Variants in GART observed in about 807,000 individuals in gnomAD.
The protein encoded by GART is trifunctional purine biosynthetic protein adenosine-3.
GART carries 43 observed loss-of-function variants against 107.2 expected under a neutral mutation model. The observed-to-expected ratio is 0.40, with a 90% CI of 0.31 to 0.52. The LOEUF (loss-of-function observed/expected upper bound fraction) is 0.52. Ranked by LOEUF, GART falls within the 20% of genes least tolerant of loss-of-function variation. The pLI is 0.52. For synonymous variants in GART, 434 were observed against 427.0 expected (o/e 1.02, Z -0.20); for missense variants, 1,107 against 1,206.5 (o/e 0.92, Z 1.22).
At chr21:33,542,033 G>A (rs1250606453) in intron 1 of GART, 32 bp downstream of exon 1, 1 of 152,214 alleles carries the variant, frequency 6.6e-6, no homozygotes, top group Non-Finnish European at 1.5e-5. Context: ...GCCTAAGCGC[G>A]CTCCGTGTAA....
intron 8 of GART, 88 bp downstream of exon 8, chr21:33,528,756 TAAAAAA>T (rs57178645): frequency 3.7e-6 from 3 of 802,188 alleles, no homozygotes; most frequent in Non-Finnish European, 5.5e-6. Flanking sequence ...TAAAAAGTGG[TAAAAAA>T]AAAAAAAAAA....
At chr21:33,539,149 C>T in intron 2 of GART, 22 bp downstream of exon 2, 1 of 1,603,254 alleles carries the variant, frequency 6.2e-7, no homozygotes, top group Non-Finnish European at 8.5e-7. Context: ...AACTATTACT[C>T]CCCACTTTAA....
rs1390625837 is a variant in GART, at chr21:33,517,514, G to T, written c.1797C>A (p.Leu599=). Residue 599 remains leucine (L), a synonymous_variant, in exon 15 of 22, where the codon CTC becomes CTA. Coordinates refer to ENST00000381815, the MANE Select transcript of GART (RefSeq NM_000819.5). Reference sequence around the variant, plus strand: ...CCTCAGTGATTCTTTCCAGGTGAGGGAGTTTCTGATCTCGCTCCATGGCAC... The same window carrying T: ...CCTCAGTGATTCTTTCCAGGTGAGGTAGTTTCTGATCTCGCTCCATGGCAC... ...AVGAMERDQK[L]PHLERITEGD... 1.2e-6 allele frequency: 2 copies of T among 1,614,060 alleles called. No homozygotes were observed. Among genetic ancestry groups the T allele is most frequent in the Non-Finnish European group, 1.7e-6 (2 of 1,180,034 alleles).
intron 4 of GART, 32 bp downstream of exon 4, chr21:33,534,547 C>T (rs761039324): frequency 8.3e-5 from 134 of 1,612,146 alleles, no homozygotes; most frequent in Non-Finnish European, 1.1e-4. Flanking sequence ...CAAAACTAAA[C>T]AACTGTCCTT....
At chr21:33,525,934 A>G (rs1259359055) in intron 10 of GART, among the ~76,000 whole-genome samples, 1 of 148,946 alleles carries the variant, frequency 6.7e-6, no homozygotes, top group Non-Finnish European at 1.5e-5. Context: ...CAGTGGTGCA[A>G]TCTTGGCTCA....
intron 16 of GART, among the ~76,000 whole-genome samples, chr21:33,512,586 T>C (rs1001934857): frequency 6.6e-6 from 1 of 152,116 alleles, no homozygotes; most frequent in Non-Finnish European, 1.5e-5. Context: ...ATTTATTTAT[T>C]GGATAATTTT....
intron 7 of GART, among the ~76,000 whole-genome samples, chr21:33,529,224 G>A (rs1475110282): frequency 3.9e-5 from 6 of 152,050 alleles, no homozygotes; most frequent in Non-Finnish European, 5.9e-5. Flanking sequence ...CCTACCCTAA[G>A]GCTTCTTTGT....
At chr21:33,505,429 A>G in intron 20 of GART, 132 bp downstream of exon 20, 1 of 661,922 alleles carries the variant, frequency 1.5e-6, no homozygotes. Flanking sequence ...AAGTATTAAT[A>G]AAATATCACA....
chr21:33,504,839 G>GA (rs1179675020), intron 20 of GART, among the ~76,000 whole-genome samples: 1 of 152,136 alleles, frequency 6.6e-6, no homozygotes, highest in East Asian at 1.9e-4. Context: ...AAATAAGCAA[G>GA]AGGTTCTTAC....
intron 16 of GART, among the ~76,000 whole-genome samples, chr21:33,514,910 C>T (rs949886732): frequency 6.6e-6 from 1 of 152,202 alleles, no homozygotes; most frequent in African/African-American, 2.4e-5. Flanking sequence ...ACCTCTGACT[C>T]TTCAGTTCTC....
rs770881909 is a variant in GART at position 33,532,360 on chromosome 21, T to C, written c.513A>G (p.Val171=). 3 of 1,613,734 alleles carry C rather than the reference T, an allele frequency of 1.9e-6. No individual in the cohort carries two copies. Among genetic ancestry groups the C allele is most frequent in the Non-Finnish European group, 2.5e-6 (3 of 1,179,658 alleles). ...AKSKEEACKA[V]QEIMQEKAFG... The stretch of plus-strand genomic sequence containing the variant: ...CCCAGCCTACCTGCATGATCTCTTG[T>C]ACAGCTTTGCAGGCCTCTTCTTTGC... The change falls in exon 5 of 22, where the codon GTA becomes GTG. Residue 171 remains valine, a synonymous_variant. Transcript: ENST00000381815.
rs1224273373 is a variant in GART at position 33,528,017 on chromosome 21, T to C, written c.1066+150A>G. 2.8e-5 allele frequency: 18 copies of C among 636,054 alleles called. No homozygotes were observed. Among genetic ancestry groups the C allele is most frequent in the Non-Finnish European group, 5.0e-5 (18 of 362,428 alleles). The allele number at this position is 636,054 out of a possible 1,614,324, so 39.4% of individuals were successfully genotyped here. ...GTAATTGCGGATATTTGAACACACA[T>C]ATCCAATAAGCAACATGGTTAAGAC... On this transcript the variant is annotated intron_variant, in intron 10 of 21. Transcript: ENST00000381815.
At chr21:33,527,666 TAA>T (rs1165517699) in intron 10 of GART, among the ~76,000 whole-genome samples, 5 of 151,940 alleles carry the variant, frequency 3.3e-5, no homozygotes, top group African/African-American at 1.2e-4. Flanking sequence ...CTACTTTATA[TAA>T]AGAGAGAGAG....
At chr21:33,536,180 G>C (rs780560038) in intron 2 of GART, among the ~76,000 whole-genome samples, 1 of 152,120 alleles carries the variant, frequency 6.6e-6, no homozygotes, top group Non-Finnish European at 1.5e-5. Flanking sequence ...TGAATTGAGA[G>C]GCTATTTTGG....
At chr21:33,510,115 T>C (rs1015180175) in intron 17 of GART, 195 bp from the exon 18 acceptor site, 13 of 553,428 alleles carry the variant, frequency 2.3e-5, no homozygotes, top group African/African-American at 1.3e-4. Context: ...GGTGAACATA[T>C]GTAATTACTT....
intron 17 of GART, 47 bp from the exon 18 acceptor site, chr21:33,509,967 TAAC>T: frequency 6.6e-7 from 1 of 1,525,126 alleles, no homozygotes; most frequent in Non-Finnish European, 8.9e-7. Flanking sequence ...AATTGTGAAT[TAAC>T]AAGAATAATG....
At chr21:33,533,325 G>C (rs951599906) in intron 4 of GART, among the ~76,000 whole-genome samples, 10 of 151,480 alleles carry the variant, frequency 6.6e-5, no homozygotes, top group South Asian at 6.3e-4. Flanking sequence ...TGTATTCCCA[G>C]CTACTCGGGA....
At chr21:33,535,171 TA>T in intron 3 of GART, 53 bp downstream of exon 3, 2 of 1,113,958 alleles carry the variant, frequency 1.8e-6, no homozygotes, top group Non-Finnish European at 2.5e-6. Context: ...AGATGATCCC[TA>T]AGCTTCTGTT....
chr21:33,509,389 CATCT>C (rs2084743636), intron 18 of GART: 1 of 159,144 alleles, frequency 6.3e-6, no homozygotes, highest in South Asian at 2.0e-4. Flanking sequence ...AGGCTACATC[CATCT>C]GAGAGAATAC....
Sources: gnomAD v4.1 joint callset for allele counts (sites outside exome capture counted in the v4.1 genomes callset) on GRCh38, gnomAD v4.1.1 for gene constraint, MANE v1.5 for transcripts, NCBI Gene and HGNC (gene_info 2026-07-23, HGNC 2026-07-21) for gene names.